Variants in RABGEF1 observed in about 807,000 individuals in gnomAD.
RABGEF1 encodes RAB guanine nucleotide exchange factor 1.
RABGEF1 carries 26 observed loss-of-function variants against 57.3 expected under a neutral mutation model. The ratio of observed to expected loss-of-function variants is 0.45; its 90% CI spans 0.33 to 0.63. RABGEF1 has a LOEUF of 0.63. Ranked by LOEUF, RABGEF1 falls within the 20% of genes least tolerant of loss-of-function variation. RABGEF1 has a pLI of 0.02. For synonymous variants in RABGEF1, 185 were observed against 210.7 expected (o/e 0.88, Z 1.06); for missense variants, 464 against 607.6 (o/e 0.76, Z 2.48).
At chr7:66,791,522 A>G (rs1812653789) in intron 4 of RABGEF1, among the ~76,000 whole-genome samples, 1 of 152,238 alleles carries the variant, frequency 6.6e-6, no homozygotes, top group African/African-American at 2.4e-5. Context: ...TAATACCTAA[A>G]TAGATTAAGC....
In RABGEF1 at chr7:66,783,825, G is replaced by A. The variant is rs1440000925; in HGVS notation, c.497G>A (p.Gly166Glu). Residue 166 changes from glycine to glutamate, a missense_variant, in exon 4 of 9, where the codon GGA becomes GAA. Around this residue, in one of 4 missense-constraint regions of RABGEF1, gnomAD observed 284 missense variants for 389.9 expected, o/e 0.73. Transcript: ENST00000284957. ...IYKQTKLFLE[G>E]MHYKRDLSIE... ...AAACAGACCAAGCTGTTTTTGGAAG[G>A]AATGCATTACAAAAGGGTAGGTTGA... The A allele has an allele frequency of 1.9e-6, 3 of 1,612,786 alleles. No individual in the cohort carries two copies. The highest frequency in any genetic ancestry group is 1.7e-6 in the Non-Finnish European group (2 of 1,179,202).
At chr7:66,724,597 A>G (rs554072292) in intron 2 of RABGEF1, among the ~76,000 whole-genome samples, 1 of 152,206 alleles carries the variant, frequency 6.6e-6, no homozygotes, top group East Asian at 1.9e-4. Flanking sequence ...TGACCTTGTG[A>G]TCCACCCACC....
the RABGEF1 span, among the ~76,000 whole-genome samples, chr7:66,656,548 G>A: frequency 1.3e-5 from 2 of 152,130 alleles, no homozygotes. Context: ...CTGGCTGGGC[G>A]TGGTGGCTCA....
At chr7:66,658,990 C>T in the RABGEF1 span, among the ~76,000 whole-genome samples, 1 of 152,218 alleles carries the variant, frequency 6.6e-6, no homozygotes, top group Admixed American at 6.5e-5. Flanking sequence ...CTGCCTTGGC[C>T]TTCCAAAATG....
intron 1 of RABGEF1, among the ~76,000 whole-genome samples, chr7:66,709,526 C>T (rs867102413): frequency 3.9e-5 from 6 of 152,116 alleles, no homozygotes; most frequent in African/African-American, 1.4e-4. Context: ...GCAGGGCTCA[C>T]ACCTGTAATC....
At chr7:66,660,272 C>T in the RABGEF1 span, among the ~76,000 whole-genome samples, 7 of 151,230 alleles carry the variant, frequency 4.6e-5, no homozygotes, top group Middle Eastern at 3.4e-3. Context: ...GGTGTAAACC[C>T]GTGAGGCTGA....
chr7:66,783,896 T>C, intron 4 of RABGEF1, 55 bp downstream of exon 4: 15 of 1,509,100 alleles, frequency 9.9e-6, no homozygotes, highest in Non-Finnish European at 1.3e-5. Flanking sequence ...GGAAAGGTCT[T>C]AGAGATAATA....
chr7:66,735,169 C>G (rs894359662), intron 2 of RABGEF1, among the ~76,000 whole-genome samples: 1 of 152,292 alleles, frequency 6.6e-6, no homozygotes, highest in African/African-American at 2.4e-5. Context: ...TTTCCTCCCC[C>G]CTCAAATGCC....
At chr7:66,747,260 ATTAAGC>A (rs898252038) in intron 1 of RABGEF1, among the ~76,000 whole-genome samples, 1 of 152,230 alleles carries the variant, frequency 6.6e-6, no homozygotes, top group African/African-American at 2.4e-5. Flanking sequence ...CTGAGAGAGT[ATTAAGC>A]TTTTTAATTT....
chr7:66,730,557 C>CTTTTTTT (rs888301191), intron 2 of RABGEF1, among the ~76,000 whole-genome samples: 2 of 130,852 alleles, frequency 1.5e-5, no homozygotes, highest in Non-Finnish European at 3.3e-5. Context: ...GTTTCTTTTT[C>CTTTTTTT]TTTTTTTTTT....
At chr7:66,766,894 ACT>A (rs1805865559) in intron 1 of RABGEF1, among the ~76,000 whole-genome samples, 1 of 149,796 alleles carries the variant, frequency 6.7e-6, no homozygotes, top group Non-Finnish European at 1.5e-5. Context: ...CTGGCTACCC[ACT>A]GTGTTACCTC....
At chr7:66,701,736 C>T (rs113410320) in intron 1 of RABGEF1, among the ~76,000 whole-genome samples, 58 of 152,050 alleles carry the variant, frequency 3.8e-4, no homozygotes, top group Non-Finnish European at 3.1e-4. Flanking sequence ...CTTGAACTCA[C>T]GACCTCAGGG....
chr7:66,681,953 C>T (rs1192072038), upstream of RABGEF1, among the ~76,000 whole-genome samples: 1 of 152,188 alleles, frequency 6.6e-6, no homozygotes, highest in Non-Finnish European at 1.5e-5. Flanking sequence ...CCAGCTTTAG[C>T]GCGGAGGCTA....
chr7:66,764,604 T>C (rs1333858586), intron 1 of RABGEF1, among the ~76,000 whole-genome samples: 1 of 151,900 alleles, frequency 6.6e-6, no homozygotes, highest in Non-Finnish European at 1.5e-5. Flanking sequence ...TTTAGGTCTT[T>C]GATTGATTCT....
intron 4 of RABGEF1, among the ~76,000 whole-genome samples, chr7:66,790,567 C>T (rs918908432): frequency 1.1e-4 from 17 of 152,162 alleles, no homozygotes; most frequent in African/African-American, 3.4e-4. Flanking sequence ...CCCTTAGCGC[C>T]GCCCTTGTTG....
At chr7:66,664,987 T>C in the RABGEF1 span, among the ~76,000 whole-genome samples, 4 of 152,138 alleles carry the variant, frequency 2.6e-5, no homozygotes, top group African/African-American at 9.7e-5. Context: ...AGGGGCAGGG[T>C]TCCTGCGCTC....
intron 1 of RABGEF1, among the ~76,000 whole-genome samples, chr7:66,710,077 G>A (rs1167537112): frequency 6.6e-6 from 1 of 152,170 alleles, no homozygotes; most frequent in Non-Finnish European, 1.5e-5. Flanking sequence ...CAGCAGCCAC[G>A]TGACTGGTAC....
At chr7:66,800,445 T>G (rs895394569) in intron 7 of RABGEF1, among the ~76,000 whole-genome samples, 1 of 152,234 alleles carries the variant, frequency 6.6e-6, no homozygotes, top group Admixed American at 6.5e-5. Flanking sequence ...CTCCTGTTGT[T>G]AAGTAAATTA....
chr7:66,655,802 C>T, the RABGEF1 span, among the ~76,000 whole-genome samples: 1 of 152,174 alleles, frequency 6.6e-6, no homozygotes, highest in South Asian at 2.1e-4. Flanking sequence ...TGATTCATAT[C>T]TGCAGGATTA....
Sources: allele counts gnomAD v4.1 joint callset (sites outside exome capture counted in the v4.1 genomes callset), GRCh38; gene constraint gnomAD v4.1.1; regional missense constraint gnomAD v4.1.1; transcripts MANE v1.5; gene names NCBI Gene and HGNC (gene_info 2026-07-23, HGNC 2026-07-21).